Variants in DUSP5 observed in about 807,000 individuals in gnomAD.
The protein encoded by DUSP5 is dual specificity protein phosphatase 5.
A neutral mutation model predicts 33.6 loss-of-function variants in DUSP5; 22 were observed. That is an observed-to-expected ratio of 0.66 (90% CI 0.47 to 0.94). The LOEUF is 0.94. Ranked by LOEUF, DUSP5 falls within the 40% of genes least tolerant of loss-of-function variation. The pLI is 0.00. For synonymous variants in DUSP5, 270 were observed against 231.1 expected, an observed-to-expected ratio of 1.17 and a Z score of -1.53; for missense variants, 551 against 522.1, an observed-to-expected ratio of 1.06 and a Z score of -0.54.
chr10:110,508,312 C>T (rs1464873935), intron 3 of DUSP5, among the ~76,000 whole-genome samples: 1 of 152,136 alleles, frequency 6.6e-6, no homozygotes, highest in African/African-American at 2.4e-5. Flanking sequence ...CTCCCTGTCC[C>T]TGGGAATGCC....
intron 1 of DUSP5, among the ~76,000 whole-genome samples, chr10:110,501,964 T>G (rs80164029): frequency 2.3e-5 from 3 of 130,454 alleles, no homozygotes; most frequent in Admixed American, 7.8e-5. Flanking sequence ...GACTTATTGA[T>G]TGGGGGGGGG....
At position 110,498,217 on chromosome 10, in the gene DUSP5, G is replaced by T. The variant is rs1285764951; in HGVS notation, c.96G>T (p.Leu32=). The change falls in exon 1 of 4, where the codon CTG becomes CTT. Residue 32 remains leucine, a synonymous_variant. Transcript: ENST00000369583. The stretch of plus-strand genomic sequence containing the variant: ...TGGTGCTCGACTGCCGGCCCTATCT[G>T]GCCTTCGCTGCCTCGAACGTGCGCG... ...RCVVLDCRPY[L]AFAASNVRGS... The T allele has an allele frequency of 2.0e-6, 3 of 1,513,448 alleles. No homozygotes were observed. Among genetic ancestry groups the T allele is most frequent in the Non-Finnish European group, 2.7e-6 (3 of 1,130,986 alleles). The allele number at this position is 1,513,448 out of a possible 1,614,324, so 93.8% of individuals were successfully genotyped here.
At position 110,510,739 on chromosome 10, in the gene DUSP5, A is replaced by T. The variant is rs1275163589; in HGVS notation, c.*313A>T. The stretch of plus-strand genomic sequence containing the variant: ...GCCTTTTCATTTCAAGCATAAGGCA[A>T]TAAATACCTGCAGCAACGTGGGAGA... On this transcript the variant is annotated 3_prime_UTR_variant, in exon 4 of 4. Transcript: ENST00000369583. 7.0e-6 allele frequency: 2 copies of T among 284,042 alleles called. No homozygotes were observed. Among genetic ancestry groups the T allele is most frequent in the Non-Finnish European group, 1.3e-5 (2 of 152,880 alleles). The allele number at this position is 284,042 out of a possible 1,614,324, so 17.6% of individuals were successfully genotyped here. A position where few individuals can be genotyped will look rare whatever the true frequency, so the allele number is the denominator to read the frequency against.
At position 110,505,081 on chromosome 10, in the gene DUSP5, C is replaced by G. The variant is rs1860101015; in HGVS notation, c.529-1854C>G. On this transcript the variant is annotated intron_variant, in intron 2 of 3. Coordinates refer to ENST00000369583, the MANE Select transcript of DUSP5 (RefSeq NM_004419.4). ...TTTGGGAGGTTTCGAGGAGGTGATGCAGATGGACATTTTATCTCTAGAGGA... is the reference window on the plus strand; with the variant it reads ...TTTGGGAGGTTTCGAGGAGGTGATGGAGATGGACATTTTATCTCTAGAGGA... Among the ~76,000 whole-genome samples, 3 of 152,334 alleles carry G rather than the reference C, an allele frequency of 2.0e-5. No individual in the cohort carries two copies. The South Asian group carries it at 6.2e-4, about 32-fold the overall frequency.
intron 2 of DUSP5, among the ~76,000 whole-genome samples, chr10:110,503,677 A>C (rs1860084740): frequency 6.6e-6 from 1 of 152,194 alleles, no homozygotes; most frequent in African/African-American, 2.4e-5. Flanking sequence ...GTTCTGTGAC[A>C]AGTGAGATGA....
In DUSP5 at chr10:110,507,203, A is replaced by C. The variant is rs202129506; in HGVS notation, c.748+49A>C. ...GTTATTTTGGGAGCCCCTTTGGGGC[A>C]TGTGTTCTTGACTTTTGATGCCCTG... On this transcript the variant is annotated intron_variant, in intron 3 of 3. Transcript: ENST00000369583. 2.3e-5 allele frequency: 36 copies of C among 1,573,344 alleles called. No individual in the cohort carries two copies. The East Asian group carries it at 7.6e-4, about 33-fold the overall frequency.
chr10:110,510,161 G>A lies in DUSP5; in HGVS notation c.890G>A (p.Arg297Lys). 6.2e-7 allele frequency: 1 copy of A among 1,614,228 alleles called. No homozygotes were observed. Residue 297 changes from arginine (R) to lysine (K), a missense_variant, in exon 4 of 4, where the codon AGG (arginine) becomes AAG (lysine). Around this residue, in one of 3 missense-constraint regions of DUSP5, gnomAD observed 158 missense variants for 181.8 expected, o/e 0.87. Coordinates refer to ENST00000369583, the MANE Select transcript of DUSP5 (RefSeq NM_004419.4). ...KEAFDYIKQR[R>K]SMVSPNFGFM... is the part of the protein sequence containing the mutation. ...GCCTTCGATTACATCAAGCAGAGGA[G>A]GAGCATGGTCTCGCCCAACTTTGGC...
rs1860133278 is a variant in DUSP5, at chr10:110,507,489, C to A, written c.748+335C>A. Among the ~76,000 whole-genome samples the A allele has an allele frequency of 2.0e-5, 3 of 152,190 alleles. No individual in the cohort carries two copies. The South Asian group carries it at 6.2e-4, about 32-fold the overall frequency. On this transcript the variant is annotated intron_variant, in intron 3 of 3. Transcript: ENST00000369583. ...ACAAGGAAAGCAGGGGGAAGAACCTCCCTAACTGTGCTTCTACGTAGGTTG... is the reference window on the plus strand; with the variant it reads ...ACAAGGAAAGCAGGGGGAAGAACCTACCTAACTGTGCTTCTACGTAGGTTG...
intron 2 of DUSP5, among the ~76,000 whole-genome samples, chr10:110,504,074 G>A (rs975921579): frequency 1.3e-5 from 2 of 152,260 alleles, no homozygotes; most frequent in Middle Eastern, 3.4e-3. Flanking sequence ...AGTATATGAC[G>A]AGCCTGTGGC....
Position 110,506,948 on chromosome 10 carries a change from A to C in DUSP5, c.542A>C (p.Glu181Ala). The C allele has an allele frequency of 6.2e-7, 1 of 1,614,198 alleles. No individual in the cohort carries two copies. The highest frequency in any genetic ancestry group is 8.5e-7 in the Non-Finnish European group (1 of 1,180,004). The change falls in exon 3 of 4, where the codon GAA becomes GCA. Residue 181 changes from glutamate (E) to alanine (A), a missense_variant. Physicochemically the swap from Glu to Ala is moderately radical, Grantham distance 107 (BLOSUM62 -1). This residue lies in a region of DUSP5 where 381 missense variants were observed against 310.4 expected (regional missense o/e 1.23). Coordinates refer to ENST00000369583, the MANE Select transcript of DUSP5 (RefSeq NM_004419.4). The part of the protein sequence containing the change: ...RPAYDQGGPV[E>A]ILPFLYLGSA... Reference sequence around the variant, plus strand: ...CCCTGCATCCAGGGTGGCCCAGTTGAAATCCTTCCCTTCCTCTACCTTGGA... The same window carrying C: ...CCCTGCATCCAGGGTGGCCCAGTTGCAATCCTTCCCTTCCTCTACCTTGGA...
chr10:110,506,909 T>A, intron 2 of DUSP5, 26 bp from the exon 3 acceptor site: 1 of 1,606,486 alleles, frequency 6.2e-7, no homozygotes, highest in Non-Finnish European at 8.5e-7. Flanking sequence ...CAATATTTCC[T>A]GATTGTCCTT....
At chr10:110,502,635 C>CA (rs1860067904) in intron 1 of DUSP5, 86 bp from the exon 2 acceptor site, 2 of 1,486,722 alleles carry the variant, frequency 1.3e-6, no homozygotes, top group Non-Finnish European at 1.8e-6. Flanking sequence ...GTGTAACACT[C>CA]AGAGTATTGA....
At position 110,498,180 on chromosome 10, in the gene DUSP5, C is replaced by T. The variant is rs372205197; in HGVS notation, c.59C>T (p.Ala20Val). 11 of 1,494,988 alleles carry T rather than the reference C, an allele frequency of 7.4e-6. No individual in the cohort carries two copies. Among genetic ancestry groups the T allele is most frequent in the East Asian group, 2.9e-5 (1 of 34,100 alleles). The allele number at this position is 1,494,988 out of a possible 1,614,324, so 92.6% of individuals were successfully genotyped here. The change falls in exon 1 of 4, where the codon GCG becomes GTG. Residue 20 changes from alanine (A) to valine (V), a missense_variant. This residue lies in a region of DUSP5 where 381 missense variants were observed against 310.4 expected (regional missense o/e 1.23). Transcript: ENST00000369583. ...QLRKMLRKEA[A>V]ARCVVLDCRP... ...CGCAAGATGCTCCGCAAGGAGGCGGCGGCGCGCTGCGTGGTGCTCGACTGC... is the reference window on the plus strand; with the variant it reads ...CGCAAGATGCTCCGCAAGGAGGCGGTGGCGCGCTGCGTGGTGCTCGACTGC...
chr10:110,502,973 G>A, intron 2 of DUSP5, 104 bp downstream of exon 2: 1 of 1,475,728 alleles, frequency 6.8e-7, no homozygotes, highest in Non-Finnish European at 9.2e-7. Context: ...AGCAATGATG[G>A]TTAGTTCTTT....
At chr10:110,501,904 AG>A (rs1446668520) in intron 1 of DUSP5, among the ~76,000 whole-genome samples, 6 of 149,250 alleles carry the variant, frequency 4.0e-5, no homozygotes, top group Non-Finnish European at 7.4e-5. Flanking sequence ...CCATTTGGAG[AG>A]GTGTAAATGT....
intron 1 of DUSP5, among the ~76,000 whole-genome samples, chr10:110,499,053 C>G (rs936884896): frequency 1.3e-4 from 20 of 152,266 alleles, no homozygotes; most frequent in African/African-American, 4.8e-4. Context: ...CCGGCCTCTT[C>G]TCCCCTCCTA....
chr10:110,498,548 G>C (rs760449648), intron 1 of DUSP5, 48 bp downstream of exon 1: 19 of 1,389,066 alleles, frequency 1.4e-5, no homozygotes, highest in Non-Finnish European at 1.7e-5. Context: ...GCGCCCCCGG[G>C]TCCCCTCCCT....
chr10:110,508,217 C>T (rs369109668), intron 3 of DUSP5, among the ~76,000 whole-genome samples: 2 of 152,144 alleles, frequency 1.3e-5, no homozygotes, highest in African/African-American at 4.8e-5. Context: ...CTGCTTGTCC[C>T]CTGAGCCTCT....
At chr10:110,502,623 C>A in intron 1 of DUSP5, 98 bp from the exon 2 acceptor site, 1 of 1,399,184 alleles carries the variant, frequency 7.1e-7, no homozygotes, top group Non-Finnish European at 9.7e-7. Context: ...TTTTTCTTAA[C>A]TGTGTAACAC....
Sources: gnomAD v4.1 joint callset for allele counts (sites outside exome capture counted in the v4.1 genomes callset) on GRCh38, gnomAD v4.1.1 for gene constraint, gnomAD v4.1.1 regional missense constraint, MANE v1.5 for transcripts, NCBI Gene and HGNC (gene_info 2026-07-23, HGNC 2026-07-21) for gene names.